The following STK32C variants were observed in gnomAD, a reference collection of about 807,000 sequenced individuals.
STK32C encodes serine/threonine kinase 32C.
Under a neutral mutation model 56.5 loss-of-function variants are expected in STK32C, and 31 were observed. That is an observed-to-expected ratio of 0.55 (90% CI 0.41 to 0.74). The LOEUF is 0.74. Among genes scored for constraint, STK32C ranks in the 30% least tolerant of loss-of-function variants. The pLI is 0.00. For missense variants in STK32C, 544 were observed against 676.9 expected (o/e 0.80, Z 2.18); for synonymous variants, 309 against 289.4 (o/e 1.07, Z -0.69).
intron 1 of STK32C, chr10:132,306,838 C>T (rs1339838357): frequency 6.6e-6 from 1 of 152,246 alleles, no homozygotes; most frequent in Non-Finnish European, 1.5e-5. Context: ...CACCACATCT[C>T]CCTGCAGGTG....
chr10:132,246,105 C>T, intron 1 of STK32C, 150 bp from the exon 2 acceptor site: 1 of 765,276 alleles, frequency 1.3e-6, no homozygotes. Flanking sequence ...AACTCTCGCT[C>T]CTGTGCGAGG....
At chr10:132,281,729 C>T (rs2065213751) in intron 1 of STK32C, among the ~76,000 whole-genome samples, 1 of 152,192 alleles carries the variant, frequency 6.6e-6, no homozygotes, top group African/African-American at 2.4e-5. Flanking sequence ...CCCCGGGAGA[C>T]GAAAAGACAG....
chr10:132,330,610 C>T (rs1386658027), intron 1 of STK32C: 3 of 685,662 alleles, frequency 4.4e-6, no homozygotes, highest in East Asian at 2.7e-5. Context: ...TAGGTTCAAG[C>T]GATCCTCTTG....
intron 2 of STK32C, among the ~76,000 whole-genome samples, chr10:132,230,679 C>CG (rs377544275): frequency 0.028 from 1,404 of 49,586 alleles, 55 homozygotes; most frequent in African/African-American, 0.037. Context: ...GGGAAGCTGG[C>CG]GGGGGGGGGG....
intron 1 of STK32C, among the ~76,000 whole-genome samples, chr10:132,290,947 C>T (rs1431193912): frequency 2.0e-5 from 3 of 152,214 alleles, no homozygotes; most frequent in Middle Eastern, 3.2e-3. Flanking sequence ...AAGGGAAACA[C>T]GGCAGGAGAG....
At chr10:132,292,725 T>C (rs2065607125) in intron 1 of STK32C, among the ~76,000 whole-genome samples, 1 of 151,992 alleles carries the variant, frequency 6.6e-6, no homozygotes, top group Non-Finnish European at 1.5e-5. Flanking sequence ...CCTGGAATTA[T>C]CGAAAAAAAG....
chr10:132,222,938 G>A lies in STK32C; in HGVS notation c.1042C>T (p.Gln348Ter). The change falls in exon 9 of 12, where the codon CAG (glutamine) becomes TAG (stop). Residue 348 changes from glutamine to a stop codon, truncating the protein, a stop_gained. Coordinates refer to ENST00000298630, the MANE Select transcript of STK32C (RefSeq NM_173575.4). LOFTEE classifies it high-confidence loss of function. Reference protein sequence around the residue: ...EHRLSSLQDVQAAPALAGVLW... With the variant: ...EHRLSSLQDV ...ACGCCGGCCAGCGCCGGGGCTGCCTGCACGTCCTGGAGGCTGGAGAGCCGG... is the reference window on the plus strand; with the variant it reads ...ACGCCGGCCAGCGCCGGGGCTGCCTACACGTCCTGGAGGCTGGAGAGCCGG... 6.4e-7 allele frequency: 1 copy of A among 1,555,510 alleles called. No individual in the cohort carries two copies. Among genetic ancestry groups the A allele is most frequent in the Non-Finnish European group, 8.7e-7 (1 of 1,153,866 alleles).
chr10:132,228,966 A>G (rs2137742196), intron 2 of STK32C, among the ~76,000 whole-genome samples: 1 of 152,356 alleles, frequency 6.6e-6, no homozygotes, highest in Middle Eastern at 3.4e-3. Flanking sequence ...CTGAGCATGG[A>G]TCATCGGTGT....
intron 1 of STK32C, among the ~76,000 whole-genome samples, chr10:132,280,302 C>T (rs2065132915): frequency 6.8e-6 from 1 of 146,240 alleles, no homozygotes; most frequent in African/African-American, 2.6e-5. Flanking sequence ...CGCCCCTGCA[C>T]TCCATGATCA....
Position 132,255,260 on chromosome 10 carries a change from C to CG in STK32C, c.263-9306dup, listed in dbSNP as rs2064073698. Among the ~76,000 whole-genome samples, 1 of 152,090 alleles carries CG rather than the reference C, an allele frequency of 6.6e-6. No individual in the cohort carries two copies. ...AGCCTCTGGGGATGTCTGGCCCACA[C>CG]GGGGCTCCTGACTTAGGAAATACCG... On this transcript the variant is annotated intron_variant, in intron 1 of 11. Coordinates refer to ENST00000298630, the MANE Select transcript of STK32C (RefSeq NM_173575.4). The surrounding 1 kb of genome is among the most constrained non-coding windows in gnomAD (Gnocchi z 4.6).
chr10:132,330,505 G>C lies in STK32C; in HGVS notation c.301+931C>G, dbSNP rs561213189. On this transcript the variant is annotated intron_variant, in intron 1 of 1. Coordinates refer to the STK32C transcript ENST00000368619. ...AGCTTCCTGATTGGTAGATAGTTGG[G>C]TATGTACGAAAACTTTTTTTTTGAG... The C allele has an allele frequency of 8.9e-5, 64 of 716,776 alleles. 1 individual carries two copies. The African/African-American group carries it at 1.1e-3, about 12-fold the overall frequency. 44.4% of individuals were successfully genotyped at this position (716,776 alleles called of 1,614,324 possible). A position where few individuals can be genotyped will look rare whatever the true frequency, so the allele number is the denominator to read the frequency against.
chr10:132,228,447 A>G (rs2062976056), intron 2 of STK32C, among the ~76,000 whole-genome samples: 1 of 152,108 alleles, frequency 6.6e-6, no homozygotes, highest in South Asian at 2.1e-4. Context: ...GCTGTTAGTG[A>G]AGACCCCTCC....
At chr10:132,282,402 C>T (rs1270597633) in intron 1 of STK32C, among the ~76,000 whole-genome samples, 1 of 152,192 alleles carries the variant, frequency 6.6e-6, no homozygotes, top group Non-Finnish European at 1.5e-5. Flanking sequence ...GAGGGCAGTG[C>T]CAGGCGTCAG....
intron 2 of STK32C, among the ~76,000 whole-genome samples, chr10:132,243,524 T>C (rs2063579839): frequency 6.6e-6 from 1 of 152,174 alleles, no homozygotes; most frequent in Non-Finnish European, 1.5e-5. Context: ...GCTAAGTGGT[T>C]AGTCCTGGAA....
chr10:132,223,386 A>G (rs1191886672), intron 8 of STK32C, among the ~76,000 whole-genome samples: 1 of 152,210 alleles, frequency 6.6e-6, no homozygotes, highest in Non-Finnish European at 1.5e-5. Context: ...GGACCTCCAC[A>G]GGCCAGATGA....
At chr10:132,332,195 T>A (rs941993061), upstream of STK32C, 1 of 155,992 alleles carries the variant, frequency 6.4e-6, no homozygotes, top group Non-Finnish European at 1.4e-5. Context: ...TGGCCTCCAT[T>A]GTCGGGCTGC....
intron 1 of STK32C, among the ~76,000 whole-genome samples, chr10:132,304,444 T>C (rs1309128268): frequency 5.3e-5 from 8 of 152,170 alleles, no homozygotes; most frequent in Non-Finnish European, 1.0e-4. Flanking sequence ...AGAACTGTTG[T>C]AAATTCAGCC....
chr10:132,241,957 A>C (rs1214521025), intron 2 of STK32C, among the ~76,000 whole-genome samples: 1 of 152,184 alleles, frequency 6.6e-6, no homozygotes, highest in Non-Finnish European at 1.5e-5. Context: ...AAATACAAAA[A>C]AAATTAGCTG....
rs1232060337 is a variant in STK32C at position 132,259,038 on chromosome 10, C to T, written c.263-13083G>A. ...GCTATAGCTTGGGAGGCTGCTGCAC[C>T]GGGTACTGGGGGCACAGCTGGGGGC... On this transcript the variant is annotated intron_variant, in intron 1 of 11. Transcript: ENST00000298630. Among the ~76,000 whole-genome samples the T allele has an allele frequency of 1.6e-4, 20 of 126,292 alleles. 1 individual carries two copies. The South Asian group carries it at 1.7e-3, about 11-fold the overall frequency. 82.9% of individuals were successfully genotyped at this position (126,292 alleles called of 152,430 possible).
Sources: gnomAD v4.1 joint callset for allele counts (sites outside exome capture counted in the v4.1 genomes callset) on GRCh38, gnomAD v4.1.1 for gene constraint, Gnocchi (gnomAD v3.1) non-coding constraint, MANE v1.5 for transcripts, NCBI Gene and HGNC (gene_info 2026-07-23, HGNC 2026-07-21) for gene names.